The following RIT2 variants were observed in gnomAD, a reference collection of about 807,000 sequenced individuals.
The protein encoded by RIT2 is GTP-binding protein Rit2.
In RIT2, 24 loss-of-function variants were observed where a neutral mutation model predicts 23.7. That is an observed-to-expected ratio of 1.01 (90% CI 0.73 to 1.43). The LOEUF (loss-of-function observed/expected upper bound fraction) is 1.43. Ranked by LOEUF, RIT2 falls within the 40% of genes most tolerant of loss-of-function variation. The probability of loss-of-function intolerance (pLI) is 0.00; values close to 1 mark genes in which losing one functional copy is unlikely to be tolerated. For synonymous variants in RIT2, 107 were observed against 91.1 expected, an observed-to-expected ratio of 1.17 and a Z score of -0.99; for missense variants, 236 against 266.9, an observed-to-expected ratio of 0.88 and a Z score of 0.81.
At chr18:43,012,380 G>A (rs562986472) in intron 2 of RIT2, among the ~76,000 whole-genome samples, 17 of 151,722 alleles carry the variant, frequency 1.1e-4, no homozygotes, top group Non-Finnish European at 2.4e-4. Context: ...TTTCAGCACT[G>A]CATTCTAAAC....
intron 4 of RIT2, among the ~76,000 whole-genome samples, chr18:42,856,353 C>T (rs942383374): frequency 2.0e-5 from 3 of 152,206 alleles, no homozygotes; most frequent in African/African-American, 7.2e-5. Context: ...TACCCTACTC[C>T]ATCTAGCAGC....
At chr18:42,825,270 T>C (rs1906264428) in intron 4 of RIT2, among the ~76,000 whole-genome samples, 1 of 151,924 alleles carries the variant, frequency 6.6e-6, no homozygotes, top group South Asian at 2.1e-4. Flanking sequence ...ATTCATTCCA[T>C]AATGTATTCA....
chr18:42,880,461 G>C (rs1391966331), intron 4 of RIT2, among the ~76,000 whole-genome samples: 2 of 152,152 alleles, frequency 1.3e-5, no homozygotes, highest in Non-Finnish European at 2.9e-5. Context: ...GCAGGAACCA[G>C]TCTGTTACTG....
intron 2 of RIT2, among the ~76,000 whole-genome samples, chr18:43,006,128 G>A (rs1045409675): frequency 2.0e-5 from 3 of 151,686 alleles, no homozygotes; most frequent in Non-Finnish European, 4.4e-5. Flanking sequence ...AGAGAACGAA[G>A]AGAAAAGCTC....
At chr18:43,091,038 A>C (rs1913411276) in intron 1 of RIT2, among the ~76,000 whole-genome samples, 1 of 152,082 alleles carries the variant, frequency 6.6e-6, no homozygotes, top group Admixed American at 6.6e-5. Flanking sequence ...AACTTAAAAT[A>C]AAAGTTAATA....
intron 4 of RIT2, 63 bp from the exon 5 acceptor site, chr18:42,743,783 G>A (rs903580014): frequency 2.2e-5 from 28 of 1,266,850 alleles, no homozygotes; most frequent in African/African-American, 7.6e-5. Flanking sequence ...TTAAAAATAC[G>A]TTCTCTACTA....
intron 4 of RIT2, among the ~76,000 whole-genome samples, chr18:42,840,541 T>C (rs989809472): frequency 1.3e-5 from 2 of 149,394 alleles, no homozygotes; most frequent in African/African-American, 2.5e-5. Flanking sequence ...TTGCTCTTGA[T>C]GCCCAAGCTG....
At chr18:42,797,428 G>GA (rs973111300) in intron 4 of RIT2, among the ~76,000 whole-genome samples, 24 of 145,198 alleles carry the variant, frequency 1.7e-4, no homozygotes, top group South Asian at 2.2e-4. Context: ...CTTATCAGAA[G>GA]AAAAAAAAAA....
intron 1 of RIT2, among the ~76,000 whole-genome samples, chr18:43,105,481 G>GGATGAAGA (rs1913793673): frequency 8.5e-6 from 1 of 118,298 alleles, no homozygotes; most frequent in African/African-American, 3.0e-5. Flanking sequence ...AGAGAGGAAG[G>GGATGAAGA]GAGGAAGGGA....
chr18:42,884,642 C>A (rs1029134965), intron 4 of RIT2, among the ~76,000 whole-genome samples: 1 of 152,100 alleles, frequency 6.6e-6, no homozygotes, highest in Non-Finnish European at 1.5e-5. Flanking sequence ...TTACCTTGAA[C>A]AATAAACTGG....
At chr18:43,038,046 TA>T (rs908286698) in intron 1 of RIT2, among the ~76,000 whole-genome samples, 4 of 149,696 alleles carry the variant, frequency 2.7e-5, no homozygotes, top group Middle Eastern at 3.4e-3. Context: ...TTACTAAAAA[TA>T]AAAAAAAATG....
At chr18:42,801,392 T>C (rs1036318501) in intron 4 of RIT2, among the ~76,000 whole-genome samples, 17 of 152,308 alleles carry the variant, frequency 1.1e-4, no homozygotes, top group East Asian at 5.8e-4. Flanking sequence ...TTCTTTGATG[T>C]TGAAATTTAT....
chr18:42,828,777 G>GA (rs1404039687), intron 4 of RIT2, among the ~76,000 whole-genome samples: 1 of 152,196 alleles, frequency 6.6e-6, no homozygotes, highest in Non-Finnish European at 1.5e-5. Flanking sequence ...ACAGGCGACT[G>GA]AAAAGGCTTA....
At chr18:43,074,644 C>T (rs923242585) in intron 1 of RIT2, among the ~76,000 whole-genome samples, 1 of 152,106 alleles carries the variant, frequency 6.6e-6, no homozygotes, top group African/African-American at 2.4e-5. Context: ...ATGGAATCAA[C>T]CGACATGCCC....
intron 2 of RIT2, among the ~76,000 whole-genome samples, chr18:42,999,849 T>C (rs1188069838): frequency 2.0e-5 from 3 of 152,210 alleles, no homozygotes; most frequent in Non-Finnish European, 2.9e-5. Context: ...TGACTTCTTA[T>C]TTCTTCCTTT....
intron 2 of RIT2, among the ~76,000 whole-genome samples, chr18:42,997,777 T>A (rs1308116462): frequency 6.6e-6 from 1 of 152,174 alleles, no homozygotes; most frequent in African/African-American, 2.4e-5. Flanking sequence ...TATTTTACCA[T>A]CTCAAGGTGT....
At chr18:42,892,684 T>C (rs184212115) in intron 4 of RIT2, among the ~76,000 whole-genome samples, 19 of 152,348 alleles carry the variant, frequency 1.2e-4, no homozygotes, top group African/African-American at 4.6e-4. Context: ...CATGTGTTAG[T>C]GACAAAATAC....
intron 2 of RIT2, among the ~76,000 whole-genome samples, chr18:43,027,715 A>T (rs1267137946): frequency 6.6e-6 from 1 of 152,082 alleles, no homozygotes; most frequent in African/African-American, 2.4e-5. Context: ...GTGTATCCAG[A>T]GCACCATTAA....
At chr18:42,756,892 T>TAG (rs1329380372) in intron 4 of RIT2, among the ~76,000 whole-genome samples, 5 of 10,648 alleles carry the variant, frequency 4.7e-4, no homozygotes, top group African/African-American at 8.8e-4. Flanking sequence ...TAGGTAAAAA[T>TAG]AGAAAAAAAA....
Sources: allele counts gnomAD v4.1 joint callset (sites outside exome capture counted in the v4.1 genomes callset), GRCh38; gene constraint gnomAD v4.1.1; transcripts MANE v1.5; gene names NCBI Gene and HGNC (gene_info 2026-07-23, HGNC 2026-07-21).